Variants in RIMS2 observed in about 807,000 individuals in gnomAD.
The protein encoded by RIMS2 is regulating synaptic membrane exocytosis protein 2.
Under a neutral mutation model 174.4 loss-of-function variants are expected in RIMS2, and 59 were observed. The ratio of observed to expected loss-of-function variants is 0.34; its 90% confidence interval spans 0.27 to 0.42. RIMS2 has a LOEUF of 0.42. RIMS2 is among the 10% of genes least tolerant of loss of function. RIMS2 has a pLI of 1.00. For synonymous variants in RIMS2, 606 were observed against 572.5 expected, an observed-to-expected ratio of 1.06 and a Z score of -0.84; for missense variants, 1,620 against 1,666.3, an observed-to-expected ratio of 0.97 and a Z score of 0.48.
chr8:103,765,455 T>G lies in RIMS2; in HGVS notation c.388-772T>G, dbSNP rs545040393. ...AATTTTAAAGATCTGTTTCACAATG[T>G]GAATATACTTACTGCTACTGAGGTG... On this transcript the variant is annotated intron_variant, in intron 2 of 23. Transcript: ENST00000504942. Among the ~76,000 whole-genome samples, 3 of 152,312 alleles carry G rather than the reference T, an allele frequency of 2.0e-5. No homozygotes were observed. In the South Asian group the frequency reaches 6.2e-4, roughly 32 times the overall value.
chr8:103,978,297 C>T (rs2093617197), intron 16 of RIMS2, among the ~76,000 whole-genome samples: 1 of 152,000 alleles, frequency 6.6e-6, no homozygotes, highest in African/African-American at 2.4e-5. Context: ...GGGGCTCAAA[C>T]ATAAAATGTT....
At chr8:104,245,169 C>A in intron 20 of RIMS2, 112 bp downstream of exon 26, 1 of 1,049,052 alleles carries the variant, frequency 9.5e-7, no homozygotes, top group Non-Finnish European at 1.4e-6. Flanking sequence ...CTTTAATTTT[C>A]ACTGGCTGAT....
At chr8:103,787,174 T>C (rs576001251) in intron 3 of RIMS2, among the ~76,000 whole-genome samples, 4 of 148,392 alleles carry the variant, frequency 2.7e-5, no homozygotes, top group African/African-American at 5.0e-5. Context: ...TCTCTGCACA[T>C]GAGATGGGTT....
At chr8:103,792,982 C>T (rs1013655007) in intron 3 of RIMS2, among the ~76,000 whole-genome samples, 8 of 152,178 alleles carry the variant, frequency 5.3e-5, no homozygotes, top group African/African-American at 4.8e-5. Flanking sequence ...GATGGATTCA[C>T]AGCCGAATTC....
chr8:103,949,732 CA>C (rs1443497909), intron 14 of RIMS2, among the ~76,000 whole-genome samples: 5 of 151,472 alleles, frequency 3.3e-5, no homozygotes, highest in Admixed American at 6.6e-5. Context: ...TAACAAACGT[CA>C]AAAAGAAGAA....
At chr8:103,601,731 T>C (rs533085629) in intron 1 of RIMS2, among the ~76,000 whole-genome samples, 1 of 152,126 alleles carries the variant, frequency 6.6e-6, no homozygotes, top group Non-Finnish European at 1.5e-5. Flanking sequence ...GGGGGTCTTC[T>C]CTTTCCTGTC....
At chr8:104,249,654 T>A in intron 22 of RIMS2, 66 bp downstream of exon 28, 1 of 930,234 alleles carries the variant, frequency 1.1e-6, no homozygotes, top group African/African-American at 1.6e-5. Context: ...AGAGACCTTT[T>A]GATTGGTTTA....
chr8:103,775,807 G>C (rs1196402904), intron 3 of RIMS2, among the ~76,000 whole-genome samples: 2 of 151,982 alleles, frequency 1.3e-5, no homozygotes, highest in Admixed American at 1.3e-4. Context: ...TATAATAATT[G>C]GTTTTACTGC....
At chr8:103,663,568 C>T (rs911414306) in intron 1 of RIMS2, among the ~76,000 whole-genome samples, 9 of 152,126 alleles carry the variant, frequency 5.9e-5, no homozygotes, top group African/African-American at 1.2e-4. Context: ...AGGAATCTAA[C>T]CTACAAGTGA....
chr8:104,025,579 T>C (rs1423520578), intron 19 of RIMS2, among the ~76,000 whole-genome samples: 1 of 152,206 alleles, frequency 6.6e-6, no homozygotes, highest in Admixed American at 6.5e-5. Context: ...ATGTTAGTTA[T>C]TACTGTAATT....
chr8:104,062,268 G>C (rs902122458), intron 19 of RIMS2, among the ~76,000 whole-genome samples: 1 of 152,042 alleles, frequency 6.6e-6, no homozygotes, highest in Non-Finnish European at 1.5e-5. Context: ...GCTGGGCGTG[G>C]TGGTGCAAGT....
chr8:103,524,386 C>T (rs1300201166), intron 1 of RIMS2, among the ~76,000 whole-genome samples: 4 of 151,934 alleles, frequency 2.6e-5, no homozygotes, highest in South Asian at 2.1e-4. Context: ...TCCACGCCAC[C>T]GAAAGTTGTG....
intron 1 of RIMS2, among the ~76,000 whole-genome samples, chr8:103,681,774 T>A (rs555761065): frequency 3.5e-4 from 54 of 152,192 alleles, no homozygotes; most frequent in Non-Finnish European, 6.3e-4. Flanking sequence ...ACTCTTTTTT[T>A]TAAGTAGAGA....
intron 3 of RIMS2, among the ~76,000 whole-genome samples, chr8:103,867,697 G>A (rs2099090475): frequency 2.0e-5 from 3 of 151,844 alleles, no homozygotes; most frequent in African/African-American, 7.2e-5. Flanking sequence ...GACAAAGATA[G>A]CATGTACTTC....
intron 19 of RIMS2, among the ~76,000 whole-genome samples, chr8:104,032,784 A>G (rs2096427071): frequency 6.6e-6 from 1 of 152,044 alleles, no homozygotes; most frequent in Non-Finnish European, 1.5e-5. Flanking sequence ...TCTAAGACCC[A>G]TATTTTAAAA....
intron 17 of RIMS2, among the ~76,000 whole-genome samples, chr8:104,010,390 C>T (rs189912199): frequency 6.6e-6 from 1 of 152,200 alleles, no homozygotes; most frequent in African/African-American, 2.4e-5. Context: ...CTGTTTAAGA[C>T]AAAGGCCTTC....
At chr8:103,882,338 A>T (rs1028778711) in intron 3 of RIMS2, among the ~76,000 whole-genome samples, 1 of 151,592 alleles carries the variant, frequency 6.6e-6, no homozygotes, top group Non-Finnish European at 1.5e-5. Context: ...AGGACAGTAT[A>T]TATGAAGTAA....
rs1228922504 is a variant in RIMS2 at position 104,014,672 on chromosome 8, T to C, written c.3334+57T>C. The stretch of plus-strand genomic sequence containing the variant: ...AAATACACATGGAAGCTAAGGTGAA[T>C]CAAGATTTTCTTATTACCTTTGTGT... On this transcript the variant is annotated intron_variant, in intron 19 of 23. Transcript: ENST00000504942. 6 of 1,043,020 alleles carry C rather than the reference T, an allele frequency of 5.8e-6. No individual in the cohort carries two copies. The African/African-American group carries it at 9.4e-5, about 16-fold the overall frequency. 64.6% of individuals were successfully genotyped at this position (1,043,020 alleles called of 1,614,324 possible). A position where few individuals can be genotyped will look rare whatever the true frequency, so the allele number is the denominator to read the frequency against.
chr8:103,592,217 T>C (rs554831244), intron 1 of RIMS2, among the ~76,000 whole-genome samples: 5 of 151,222 alleles, frequency 3.3e-5, no homozygotes, highest in Non-Finnish European at 7.4e-5. Flanking sequence ...TGTTATTTAC[T>C]TTTTCCCCTC....
Sources: allele counts gnomAD v4.1 joint callset (sites outside exome capture counted in the v4.1 genomes callset), GRCh38; gene constraint gnomAD v4.1.1; transcripts MANE v1.5; gene names NCBI Gene and HGNC (gene_info 2026-07-23, HGNC 2026-07-21).